The following DOK5 variants were observed in gnomAD, a reference collection of about 807,000 sequenced individuals.
DOK5 encodes the protein docking protein 5.
A neutral mutation model predicts 43.3 loss-of-function variants in DOK5; 27 were observed. The observed-to-expected ratio is 0.62, with a 90% confidence interval of 0.46 to 0.86. The LOEUF is 0.86. DOK5 is among the 40% of genes least tolerant of loss of function. DOK5 has a pLI of 0.00. For missense variants in DOK5, 373 were observed against 392.9 expected, an observed-to-expected ratio of 0.95 and a Z score of 0.43; for synonymous variants, 146 against 140.1, an observed-to-expected ratio of 1.04 and a Z score of -0.30.
intron 1 of DOK5, among the ~76,000 whole-genome samples, chr20:54,511,394 A>G (rs1983012381): frequency 6.6e-6 from 1 of 152,236 alleles, no homozygotes; most frequent in Non-Finnish European, 1.5e-5. Flanking sequence ...ATGCTCATAA[A>G]ACAGATATTT....
At chr20:54,509,907 A>T (rs1209700027) in intron 1 of DOK5, among the ~76,000 whole-genome samples, 1 of 139,228 alleles carries the variant, frequency 7.2e-6, no homozygotes, top group Non-Finnish European at 1.5e-5. Flanking sequence ...GGAAATGTCC[A>T]TTGGAGGCTT....
chr20:54,606,854 A>G (rs773045893), intron 5 of DOK5, among the ~76,000 whole-genome samples: 2 of 152,148 alleles, frequency 1.3e-5, no homozygotes, highest in Non-Finnish European at 2.9e-5. Flanking sequence ...GAGCAATAGG[A>G]GCAAAAGTCC....
At chr20:54,646,532 T>C (rs1278625382) in intron 7 of DOK5, among the ~76,000 whole-genome samples, 3 of 152,170 alleles carry the variant, frequency 2.0e-5, no homozygotes, top group African/African-American at 7.2e-5. Flanking sequence ...GAATTATAGA[T>C]ATCAGCCACT....
At chr20:54,550,081 C>G (rs1482291619) in intron 1 of DOK5, among the ~76,000 whole-genome samples, 2 of 151,246 alleles carry the variant, frequency 1.3e-5, no homozygotes, top group African/African-American at 4.9e-5. Flanking sequence ...GAATCTCCAC[C>G]TGAAAAGGAT....
rs200871108 is a variant in DOK5 at position 54,594,439 on chromosome 20, A to AT, written c.599+2642dup. Among the ~76,000 whole-genome samples the AT allele has an allele frequency of 3.6e-3, 544 of 152,040 alleles. 4 individuals are homozygous for AT. The highest frequency in any genetic ancestry group is 0.012 in the African/African-American group (508 of 41,498). ...AGAAAATCCCTATAGAAAATGAATAATTTTTTTTGGTAAGGTTGGTATATT... is the reference window on the plus strand; with the variant it reads ...AGAAAATCCCTATAGAAAATGAATAATTTTTTTTTGGTAAGGTTGGTATATT... On this transcript the variant is annotated intron_variant, in intron 5 of 7. Coordinates refer to ENST00000262593, the MANE Select transcript of DOK5 (RefSeq NM_018431.5).
chr20:54,619,806 T>G (rs1050912123), intron 6 of DOK5, among the ~76,000 whole-genome samples: 3 of 152,252 alleles, frequency 2.0e-5, no homozygotes, highest in African/African-American at 4.8e-5. Context: ...ATATTCAATC[T>G]AATTTTAAAC....
At chr20:54,621,011 T>C (rs2146805364) in intron 6 of DOK5, among the ~76,000 whole-genome samples, 1 of 152,288 alleles carries the variant, frequency 6.6e-6, no homozygotes, top group Middle Eastern at 3.4e-3. Context: ...ATAGAGGAGA[T>C]TCATGTATAG....
chr20:54,523,975 GT>G (rs1435722194), intron 1 of DOK5, among the ~76,000 whole-genome samples: 1 of 152,220 alleles, frequency 6.6e-6, no homozygotes, highest in Non-Finnish European at 1.5e-5. Context: ...TGTGGATGCT[GT>G]TCTGTGAATC....
chr20:54,600,472 G>A (rs1382406230), intron 5 of DOK5, among the ~76,000 whole-genome samples: 3 of 152,098 alleles, frequency 2.0e-5, no homozygotes, highest in African/African-American at 7.2e-5. Context: ...CACAGTTATG[G>A]TTTATCACAG....
chr20:54,578,953 C>T (rs1413153395), intron 2 of DOK5, among the ~76,000 whole-genome samples: 1 of 152,136 alleles, frequency 6.6e-6, no homozygotes, highest in South Asian at 2.1e-4. Context: ...TGTCATTCCT[C>T]TGCTAAGCAA....
chr20:54,597,039 A>G (rs920147052), intron 5 of DOK5, among the ~76,000 whole-genome samples: 1 of 152,212 alleles, frequency 6.6e-6, no homozygotes, highest in Non-Finnish European at 1.5e-5. Context: ...TACAAATGCA[A>G]TGAGGTTGGT....
At chr20:54,588,340 T>C (rs1600719809) in intron 2 of DOK5, 143 bp from the exon 3 acceptor site, 1 of 656,074 alleles carries the variant, frequency 1.5e-6, no homozygotes, top group East Asian at 2.7e-5. Flanking sequence ...TAAATACATC[T>C]TAGCTTTCAG....
intron 2 of DOK5, among the ~76,000 whole-genome samples, chr20:54,571,186 T>G (rs1985269773): frequency 6.6e-6 from 1 of 152,214 alleles, no homozygotes; most frequent in African/African-American, 2.4e-5. Flanking sequence ...AACTGCATAG[T>G]AATTAACTAT....
chr20:54,627,096 C>T (rs1978334598), intron 6 of DOK5, among the ~76,000 whole-genome samples: 1 of 152,132 alleles, frequency 6.6e-6, no homozygotes, highest in Non-Finnish European at 1.5e-5. Flanking sequence ...CTTGATGTAA[C>T]ATAATTTATT....
chr20:54,544,213 C>A (rs1984262333), intron 1 of DOK5, among the ~76,000 whole-genome samples: 1 of 152,088 alleles, frequency 6.6e-6, no homozygotes, highest in Admixed American at 6.6e-5. Flanking sequence ...TCCAAATTGG[C>A]TTTTCTTTCC....
intron 1 of DOK5, among the ~76,000 whole-genome samples, chr20:54,545,024 G>T (rs1426399272): frequency 6.6e-6 from 1 of 152,154 alleles, no homozygotes; most frequent in Admixed American, 6.5e-5. Context: ...AGGCCATTTA[G>T]TTCTGAAGAA....
rs148647233 is a variant in DOK5, at chr20:54,549,812, T to C, written c.67-5121T>C. Among the ~76,000 whole-genome samples, 1,336 of 152,362 alleles carry C rather than the reference T, an allele frequency of 8.8e-3. 11 individuals carry two copies. The highest frequency in any genetic ancestry group is 0.022 in the South Asian group (105 of 4,826). The stretch of plus-strand genomic sequence containing the variant: ...GCATGATTTTTGCATACCTTTAGCA[T>C]GTTCAGTTTCTGAACACATTCTTGG... On this transcript the variant is annotated intron_variant, in intron 1 of 7. Coordinates refer to ENST00000262593, the MANE Select transcript of DOK5 (RefSeq NM_018431.5).
At chr20:54,544,810 G>A (rs754626411) in intron 1 of DOK5, among the ~76,000 whole-genome samples, 1 of 152,146 alleles carries the variant, frequency 6.6e-6, no homozygotes, top group Non-Finnish European at 1.5e-5. Context: ...GGGGCTATTG[G>A]TGGTCAACAA....
At chr20:54,588,963 C>T (rs1985899289) in intron 4 of DOK5, among the ~76,000 whole-genome samples, 157 bp downstream of exon 4, 1 of 152,090 alleles carries the variant, frequency 6.6e-6, no homozygotes, top group South Asian at 2.1e-4. Context: ...GTTAACATTT[C>T]AGTGTATTTT....
Sources: gnomAD v4.1 joint callset for allele counts (sites outside exome capture counted in the v4.1 genomes callset) on GRCh38, gnomAD v4.1.1 for gene constraint, MANE v1.5 for transcripts, NCBI Gene and HGNC (gene_info 2026-07-23, HGNC 2026-07-21) for gene names.